Variants in KIAA1328 observed in about 807,000 individuals in gnomAD.
KIAA1328 encodes protein hinderin.
A neutral mutation model predicts 68.1 loss-of-function variants in KIAA1328; 52 were observed. The ratio of observed to expected loss-of-function variants is 0.76; its 90% CI spans 0.61 to 0.96. KIAA1328 has a LOEUF of 0.96. Among genes scored for constraint, KIAA1328 ranks in the 40% least tolerant of loss-of-function variants. The pLI is 0.00. For missense variants in KIAA1328, 641 were observed against 677.6 expected, an observed-to-expected ratio of 0.95 and a Z score of 0.60; for synonymous variants, 232 against 239.4, an observed-to-expected ratio of 0.97 and a Z score of 0.28.
At chr18:37,003,895 G>A (rs1182827369) in intron 6 of KIAA1328, among the ~76,000 whole-genome samples, 2 of 151,226 alleles carry the variant, frequency 1.3e-5, no homozygotes, top group Non-Finnish European at 3.0e-5. Context: ...TTAGTGGGCT[G>A]TAAGTATTTG....
At chr18:36,946,931 A>G (rs1217344892) in intron 5 of KIAA1328, among the ~76,000 whole-genome samples, 1 of 152,224 alleles carries the variant, frequency 6.6e-6, no homozygotes, top group Non-Finnish European at 1.5e-5. Context: ...GAAATACTGT[A>G]TATGAGGAAC....
intron 4 of KIAA1328, among the ~76,000 whole-genome samples, chr18:36,844,812 G>T (rs1219380003): frequency 6.6e-6 from 1 of 151,810 alleles, no homozygotes; most frequent in Non-Finnish European, 1.5e-5. Context: ...TACTTTGTAT[G>T]TGTAATTTCT....
At chr18:37,228,645 C>G (rs1386260779), downstream of KIAA1328, among the ~76,000 whole-genome samples, 1 of 152,020 alleles carries the variant, frequency 6.6e-6, no homozygotes, top group Non-Finnish European at 1.5e-5. Flanking sequence ...ATGGCGAAAC[C>G]CCGTCTCTAC....
At chr18:36,849,470 C>T (rs543963869) in intron 4 of KIAA1328, among the ~76,000 whole-genome samples, 2 of 151,972 alleles carry the variant, frequency 1.3e-5, no homozygotes, top group Admixed American at 1.3e-4. Context: ...TTTTCTGTCT[C>T]TAAGGATTTG....
intron 7 of KIAA1328, among the ~76,000 whole-genome samples, chr18:37,131,920 A>C (rs1416046974): frequency 1.3e-5 from 2 of 152,210 alleles, no homozygotes; most frequent in Non-Finnish European, 2.9e-5. Flanking sequence ...CATACAAAAG[A>C]CAAGAAATCC....
chr18:36,834,980 A>G (rs1324620775), intron 2 of KIAA1328, among the ~76,000 whole-genome samples: 2 of 152,142 alleles, frequency 1.3e-5, no homozygotes, highest in Non-Finnish European at 2.9e-5. Context: ...TCCAGCCTGG[A>G]TAGACATAGG....
At chr18:36,947,227 A>G (rs958589227) in intron 5 of KIAA1328, among the ~76,000 whole-genome samples, 10 of 152,190 alleles carry the variant, frequency 6.6e-5, no homozygotes, top group Non-Finnish European at 1.5e-5. Context: ...AGACAAATAT[A>G]GGAATGTTGA....
chr18:36,962,239 G>T (rs1467813366), intron 6 of KIAA1328, among the ~76,000 whole-genome samples: 5 of 152,154 alleles, frequency 3.3e-5, no homozygotes, highest in African/African-American at 1.2e-4. Context: ...ATTATATAAT[G>T]GTAAAGAGAT....
chr18:37,098,333 A>G (rs1028642063), intron 7 of KIAA1328, among the ~76,000 whole-genome samples: 1 of 152,130 alleles, frequency 6.6e-6, no homozygotes, highest in Admixed American at 6.5e-5. Context: ...TGAGATAATC[A>G]TGTGTTTTTT....
At chr18:36,953,929 C>T (rs2051281454) in intron 5 of KIAA1328, among the ~76,000 whole-genome samples, 1 of 151,934 alleles carries the variant, frequency 6.6e-6, no homozygotes, top group African/African-American at 2.4e-5. Flanking sequence ...ATGACACTGA[C>T]CTTCTGAAGA....
chr18:37,017,112 T>C (rs1426024893), intron 6 of KIAA1328, among the ~76,000 whole-genome samples: 2 of 152,126 alleles, frequency 1.3e-5, no homozygotes, highest in Admixed American at 6.5e-5. Context: ...GACTTTAAAC[T>C]TTTCTCTTAA....
intron 7 of KIAA1328, among the ~76,000 whole-genome samples, chr18:37,144,528 C>A (rs1466061546): frequency 6.6e-6 from 1 of 151,944 alleles, no homozygotes; most frequent in South Asian, 2.1e-4. Context: ...TATTTTTCCT[C>A]TAAGCACTGC....
At chr18:37,109,547 C>A (rs2057870545) in intron 7 of KIAA1328, among the ~76,000 whole-genome samples, 1 of 152,012 alleles carries the variant, frequency 6.6e-6, no homozygotes, top group African/African-American at 2.4e-5. Flanking sequence ...GATTATCTGA[C>A]TGCATTCTTT....
chr18:36,843,395 C>T (rs545909448), intron 3 of KIAA1328, among the ~76,000 whole-genome samples: 7 of 152,210 alleles, frequency 4.6e-5, no homozygotes, highest in South Asian at 2.1e-4. Context: ...TTGGTGGTTG[C>T]GCAAATGCCA....
At chr18:36,894,149 T>C (rs533298446) in intron 5 of KIAA1328, among the ~76,000 whole-genome samples, 1 of 152,284 alleles carries the variant, frequency 6.6e-6, no homozygotes, top group African/African-American at 2.4e-5. Context: ...CTTTTTTCAC[T>C]ATACCAAATT....
In KIAA1328 at chr18:36,849,987, T is replaced by C. The variant is rs553137364; in HGVS notation, c.332+5685T>C. On this transcript the variant is annotated intron_variant, in intron 4 of 9. Transcript: ENST00000280020. The stretch of plus-strand genomic sequence containing the variant: ...TTCATGTGCTTTTTGGCCATTTGTA[T>C]ATATCCTCTTTGAAGAAATGTCTAT... Among the ~76,000 whole-genome samples the C allele has an allele frequency of 7.2e-5, 11 of 152,278 alleles. No homozygotes were observed. In the East Asian group the frequency reaches 2.1e-3, roughly 29 times the overall value.
chr18:37,148,931 T>G (rs2058967442), intron 7 of KIAA1328, among the ~76,000 whole-genome samples: 1 of 152,204 alleles, frequency 6.6e-6, no homozygotes, highest in Admixed American at 6.6e-5. Context: ...CTGTTCACTC[T>G]GATGATAGTT....
At chr18:37,141,392 A>T (rs536287112) in intron 7 of KIAA1328, among the ~76,000 whole-genome samples, 64 of 152,310 alleles carry the variant, frequency 4.2e-4, no homozygotes, top group Admixed American at 8.5e-4. Flanking sequence ...AATGTTTTGG[A>T]GATATAGCCA....
intron 6 of KIAA1328, among the ~76,000 whole-genome samples, chr18:37,052,339 C>T (rs1252316582): frequency 6.6e-6 from 1 of 152,028 alleles, no homozygotes; most frequent in Admixed American, 6.6e-5. Context: ...AAAGAATATA[C>T]CTCAAAATAA....
Sources: allele counts gnomAD v4.1 joint callset (sites outside exome capture counted in the v4.1 genomes callset), GRCh38; gene constraint gnomAD v4.1.1; transcripts MANE v1.5; gene names NCBI Gene and HGNC (gene_info 2026-07-23, HGNC 2026-07-21).